The following ACSS3 variants were observed in gnomAD, a reference collection of about 807,000 sequenced individuals.
ACSS3 encodes the protein acyl-CoA synthetase short chain family member 3, also known as acyl-CoA synthetase short-chain family member 3, mitochondrial.
A neutral mutation model predicts 84.2 loss-of-function variants in ACSS3; 64 were observed. That is an observed-to-expected ratio of 0.76 (90% confidence interval 0.62 to 0.94). The LOEUF (loss-of-function observed/expected upper bound fraction) is 0.94. ACSS3 is among the 40% of genes least tolerant of loss of function. ACSS3 has a pLI of 0.00. For synonymous variants in ACSS3, 317 were observed against 310.1 expected (o/e 1.02, Z -0.23); for missense variants, 815 against 867.6 (o/e 0.94, Z 0.76).
At chr12:81,245,393 C>T (rs374143585) in intron 13 of ACSS3, among the ~76,000 whole-genome samples, 5 of 152,302 alleles carry the variant, frequency 3.3e-5, no homozygotes, top group Admixed American at 2.0e-4. Flanking sequence ...ACCCGCAAGG[C>T]GGAGCTTGCA....
intron 7 of ACSS3, among the ~76,000 whole-genome samples, chr12:81,158,694 G>T (rs1026210058): frequency 3.9e-4 from 59 of 152,184 alleles, no homozygotes; most frequent in African/African-American, 1.4e-3. Context: ...TCCTGTCCCA[G>T]GAACATTGCC....
chr12:81,204,331 C>T (rs571533895), intron 9 of ACSS3, among the ~76,000 whole-genome samples: 28 of 113,048 alleles, frequency 2.5e-4, no homozygotes, highest in Middle Eastern at 4.5e-3. Flanking sequence ...CTTCCTTCCT[C>T]CTCTTCTTCC....
At position 81,149,444 on chromosome 12, in the gene ACSS3, C is replaced by A. The variant is rs548869814; in HGVS notation, c.922-2400C>A. On this transcript the variant is annotated intron_variant, in intron 5 of 15. Transcript: ENST00000548058. ...AGAAATTCTCTTGAAATGTAACCTT[C>A]GTGTTTTTTATACTTTCAAACCTCT... 2.6e-5 allele frequency among the ~76,000 whole-genome samples: 4 copies of A among 152,196 alleles called. No homozygotes were observed. In the South Asian group the frequency reaches 8.3e-4, roughly 32 times the overall value.
rs114069497 is a variant in ACSS3, at chr12:81,137,572, A to C, written c.646-1559A>C. Among the ~76,000 whole-genome samples the C allele has an allele frequency of 4.5e-3, 683 of 152,298 alleles. 4 individuals are homozygous for C. Among genetic ancestry groups the C allele is most frequent in the African/African-American group, 0.016 (646 of 41,568 alleles). The stretch of plus-strand genomic sequence containing the variant: ...GAAAAAGTTTTATTTTAACAGAAGA[A>C]GATGGAAAGGATGTATTCTAACAAG... On this transcript the variant is annotated intron_variant, in intron 3 of 15. Coordinates refer to ENST00000548058, the MANE Select transcript of ACSS3 (RefSeq NM_024560.4).
At chr12:81,151,730 G>A in intron 5 of ACSS3, 114 bp from the exon 6 acceptor site, 4 of 803,546 alleles carry the variant, frequency 5.0e-6, no homozygotes, top group Non-Finnish European at 3.8e-6. Flanking sequence ...AAAGTAACTT[G>A]TAGCTAATAT....
intron 9 of ACSS3, among the ~76,000 whole-genome samples, chr12:81,205,467 A>G (rs1409700556): frequency 2.0e-5 from 3 of 152,124 alleles, no homozygotes; most frequent in Admixed American, 6.6e-5. Context: ...CATTCTATTT[A>G]CAAAAATCAA....
chr12:81,137,714 T>C (rs1027849749), intron 3 of ACSS3, among the ~76,000 whole-genome samples: 2 of 152,170 alleles, frequency 1.3e-5, no homozygotes, highest in African/African-American at 4.8e-5. Context: ...CTTTGATATA[T>C]TCTATATATG....
At chr12:81,209,684 A>G (rs1222925182) in intron 9 of ACSS3, among the ~76,000 whole-genome samples, 2 of 152,042 alleles carry the variant, frequency 1.3e-5, no homozygotes, top group Admixed American at 6.6e-5. Context: ...AAAGAGTGCT[A>G]CTCCATAGGA....
intron 13 of ACSS3, among the ~76,000 whole-genome samples, chr12:81,236,764 A>G (rs1256051827): frequency 1.3e-5 from 2 of 150,466 alleles, no homozygotes; most frequent in African/African-American, 4.9e-5. Context: ...GCTTTTATTA[A>G]TTTGTGAGAA....
chr12:81,213,826 CTCTTCTCTTCTCTT>C (rs2032741311), intron 9 of ACSS3, among the ~76,000 whole-genome samples: 2 of 85,444 alleles, frequency 2.3e-5, no homozygotes, highest in African/African-American at 7.8e-5. Flanking sequence ...CTCTTCTCTT[CTCTTCTCTTCTCTT>C]CTCTCCTCTC....
intron 13 of ACSS3, among the ~76,000 whole-genome samples, chr12:81,237,240 A>G (rs1051039882): frequency 1.3e-5 from 2 of 151,452 alleles, no homozygotes; most frequent in Admixed American, 6.6e-5. Flanking sequence ...TATACTAGGG[A>G]TCTAGTCTGG....
intron 2 of ACSS3, among the ~76,000 whole-genome samples, chr12:81,112,758 G>A (rs927761924): frequency 6.6e-6 from 1 of 152,176 alleles, no homozygotes; most frequent in Non-Finnish European, 1.5e-5. Context: ...CAAACGAAAA[G>A]AAGTGCCTTT....
At chr12:81,209,004 G>T (rs2032473056) in intron 9 of ACSS3, among the ~76,000 whole-genome samples, 1 of 152,124 alleles carries the variant, frequency 6.6e-6, no homozygotes. Context: ...AGAAAATGTT[G>T]TAAAGGAATC....
intron 7 of ACSS3, among the ~76,000 whole-genome samples, chr12:81,157,931 TACACACACACACACACACAC>T (rs35855433): frequency 1.4e-5 from 2 of 144,130 alleles, no homozygotes; most frequent in Non-Finnish European, 3.0e-5. Flanking sequence ...GATTACAGAA[TACACACACACACACACACAC>T]ACACACACAC....
intron 1 of ACSS3, among the ~76,000 whole-genome samples, chr12:81,106,457 T>A (rs569146239): frequency 1.3e-4 from 20 of 152,274 alleles, no homozygotes; most frequent in African/African-American, 4.8e-4. Context: ...CATTATATGT[T>A]ATAATGTAAT....
chr12:81,106,866 T>C (rs1384656159), intron 1 of ACSS3, among the ~76,000 whole-genome samples: 4 of 151,986 alleles, frequency 2.6e-5, no homozygotes, highest in Admixed American at 6.6e-5. Context: ...ACATTACATA[T>C]AAATGAATAT....
chr12:81,151,265 C>T (rs1292724778), intron 5 of ACSS3, among the ~76,000 whole-genome samples: 2 of 152,132 alleles, frequency 1.3e-5, no homozygotes, highest in Non-Finnish European at 2.9e-5. Flanking sequence ...ACCTTAGATT[C>T]AACTCACTGG....
At position 81,135,004 on chromosome 12, in the gene ACSS3, GGTAA is replaced by G; in HGVS notation, c.645+3_645+6del. On this transcript the variant is annotated splice_donor_variant and splice_donor_region_variant and intron_variant, in intron 3 of 15. Transcript: ENST00000548058. LOFTEE classifies it high-confidence loss of function. ...TAAGTAGTCGCATTGATCATGTAAAGGTAAGTGCTTTATTTTGGGAAATCAAGTA... is the reference window on the plus strand; with the variant it reads ...TAAGTAGTCGCATTGATCATGTAAAGGTGCTTTATTTTGGGAAATCAAGTA... 1 of 1,578,532 alleles carries G rather than the reference GGTAA, an allele frequency of 6.3e-7. No individual in the cohort carries two copies. Among genetic ancestry groups the G allele is most frequent in the Non-Finnish European group, 8.6e-7 (1 of 1,159,294 alleles).
At chr12:81,171,646 A>T (rs964877819) in intron 7 of ACSS3, among the ~76,000 whole-genome samples, 1 of 152,172 alleles carries the variant, frequency 6.6e-6, no homozygotes, top group African/African-American at 2.4e-5. Flanking sequence ...AATATTGACG[A>T]AAATTAGTTT....
Sources: gnomAD v4.1 joint callset for allele counts (sites outside exome capture counted in the v4.1 genomes callset) on GRCh38, gnomAD v4.1.1 for gene constraint, MANE v1.5 for transcripts, NCBI Gene and HGNC (gene_info 2026-07-23, HGNC 2026-07-21) for gene names.